SCG5: variants seen among roughly 807,000 people sequenced by gnomAD.
SCG5 encodes neuroendocrine protein 7B2.
SCG5 carries 18 observed loss-of-function variants against 25.7 expected under a neutral mutation model. The observed-to-expected ratio is 0.70, with a 90% CI of 0.48 to 1.04. SCG5 has a LOEUF of 1.04. Among genes scored for constraint, SCG5 ranks in the 50% least tolerant of loss-of-function variants. The pLI, the probability that SCG5 is intolerant of heterozygous loss-of-function variation, is 0.00. For missense variants in SCG5, 206 were observed against 259.8 expected (o/e 0.79, Z 1.42); for synonymous variants, 101 against 91.7 (o/e 1.10, Z -0.58).
At chr15:32,656,748 G>A (rs1035043745) in intron 2 of SCG5, among the ~76,000 whole-genome samples, 16 of 152,192 alleles carry the variant, frequency 1.1e-4, no homozygotes, top group African/African-American at 3.6e-4. Context: ...GGAACCAATT[G>A]GTGCAAATAC....
At chr15:32,650,059 A>G (rs918592518) in intron 2 of SCG5, among the ~76,000 whole-genome samples, 10 of 152,118 alleles carry the variant, frequency 6.6e-5, no homozygotes, top group African/African-American at 1.9e-4. Flanking sequence ...GATTATCAAC[A>G]ACATGTTTTC....
intron 2 of SCG5, among the ~76,000 whole-genome samples, chr15:32,662,646 G>A (rs2054238902): frequency 6.6e-6 from 1 of 152,012 alleles, no homozygotes; most frequent in Admixed American, 6.5e-5. Context: ...AGGAAGACTT[G>A]AGGCAAGTTG....
chr15:32,655,929 G>A (rs2054110170), intron 2 of SCG5, among the ~76,000 whole-genome samples: 1 of 152,180 alleles, frequency 6.6e-6, no homozygotes, highest in African/African-American at 2.4e-5. Context: ...AAGACAGTGT[G>A]CCTTGATATC....
intron 2 of SCG5, among the ~76,000 whole-genome samples, chr15:32,648,068 C>T (rs536255990): frequency 2.0e-5 from 3 of 152,270 alleles, no homozygotes; most frequent in South Asian, 2.1e-4. Context: ...TGCCAGGTTT[C>T]GATCCTGATT....
At chr15:32,690,768 A>G (rs148145489) in intron 4 of SCG5, among the ~76,000 whole-genome samples, 202 of 151,960 alleles carry the variant, frequency 1.3e-3, no homozygotes, top group Non-Finnish European at 2.1e-3. Flanking sequence ...TACATGTTGT[A>G]TAAACTTGTT....
At chr15:32,686,645 A>T (rs1340902308) in intron 4 of SCG5, among the ~76,000 whole-genome samples, 1 of 151,884 alleles carries the variant, frequency 6.6e-6, no homozygotes, top group Non-Finnish European at 1.5e-5. Flanking sequence ...TACTGGGAAG[A>T]GATCCACAAG....
chr15:32,680,110 T>C (rs559188974), intron 3 of SCG5, among the ~76,000 whole-genome samples, 195 bp downstream of exon 3: 2 of 152,228 alleles, frequency 1.3e-5, no homozygotes, highest in Admixed American at 1.3e-4. Context: ...CACACCCACA[T>C]AGGATTTTCC....
intron 2 of SCG5, chr15:32,665,996 C>CT (rs1478833322): frequency 6.6e-6 from 1 of 152,126 alleles, no homozygotes; most frequent in African/African-American, 2.4e-5. Flanking sequence ...TTAAGTTTTC[C>CT]TTTTTCAAAA....
At chr15:32,692,228 T>G (rs1200364038) in intron 5 of SCG5, 1 of 992,632 alleles carries the variant, frequency 1.0e-6, no homozygotes, top group Non-Finnish European at 1.2e-6. Context: ...AAAGATGAGA[T>G]GAACAAACTT....
At chr15:32,644,632 T>C (rs2053914984) in intron 2 of SCG5, among the ~76,000 whole-genome samples, 1 of 152,232 alleles carries the variant, frequency 6.6e-6, no homozygotes, top group Non-Finnish European at 1.5e-5. Flanking sequence ...TTCCATGCTT[T>C]GCTTTTTATC....
intron 2 of SCG5, among the ~76,000 whole-genome samples, chr15:32,665,394 C>T (rs1412253470): frequency 1.3e-5 from 2 of 151,398 alleles, no homozygotes; most frequent in East Asian, 1.9e-4. Context: ...GTTTAAGTCT[C>T]GTTTCTGACA....
At chr15:32,667,581 C>T (rs1214308410) in intron 2 of SCG5, among the ~76,000 whole-genome samples, 6 of 152,340 alleles carry the variant, frequency 3.9e-5, no homozygotes, top group African/African-American at 1.4e-4. Flanking sequence ...TTGAGTCTAT[C>T]TCTTTTAACA....
Position 32,696,705 on chromosome 15 carries a change from T to G in SCG5, c.*96T>G. 1 of 726,282 alleles carries G rather than the reference T, an allele frequency of 1.4e-6. No homozygotes were observed. Among genetic ancestry groups the G allele is most frequent in the Non-Finnish European group, 2.5e-6 (1 of 406,464 alleles). The allele number at this position is 726,282 out of a possible 1,614,324, so 45.0% of individuals were successfully genotyped here. A position where few individuals can be genotyped will look rare whatever the true frequency, so the allele number is the denominator to read the frequency against. ...GAGTCCCTGTGAATGACAGCATGTT[T>G]CTTACATAGATAATTATGGATACAA... On this transcript the variant is annotated 3_prime_UTR_variant, in exon 6 of 6. Coordinates refer to ENST00000300175, the MANE Select transcript of SCG5 (RefSeq NM_001144757.3).
intron 2 of SCG5, among the ~76,000 whole-genome samples, chr15:32,662,812 G>A (rs1195817611): frequency 6.7e-6 from 1 of 150,300 alleles, no homozygotes; most frequent in African/African-American, 2.4e-5. Context: ...CCACCAGGTG[G>A]TGCCATCTGC....
intron 5 of SCG5, 28 bp downstream of exon 5, chr15:32,691,791 G>A (rs759928125): frequency 1.3e-5 from 21 of 1,609,032 alleles, no homozygotes; most frequent in Middle Eastern, 1.6e-4. Context: ...GGATTGTTGC[G>A]GGGATGCTTG....
At chr15:32,650,235 C>G (rs1382716779) in intron 2 of SCG5, among the ~76,000 whole-genome samples, 1 of 152,100 alleles carries the variant, frequency 6.6e-6, no homozygotes, top group Non-Finnish European at 1.5e-5. Flanking sequence ...GTAGCTGGGA[C>G]TACAGGTGCC....
chr15:32,645,332 A>G (rs1397418295), intron 2 of SCG5, among the ~76,000 whole-genome samples: 3 of 152,238 alleles, frequency 2.0e-5, no homozygotes, highest in African/African-American at 7.2e-5. Flanking sequence ...CTCCCGGGGC[A>G]TCAAAAGCCT....
intron 2 of SCG5, among the ~76,000 whole-genome samples, chr15:32,656,705 C>T (rs80167305): frequency 0.045 from 6,899 of 152,294 alleles, 276 homozygotes; most frequent in East Asian, 0.18. Context: ...TGTGCCGCTT[C>T]TGGAAGCAAA....
chr15:32,653,097 G>T (rs988041861), intron 2 of SCG5, among the ~76,000 whole-genome samples: 1 of 152,206 alleles, frequency 6.6e-6, no homozygotes, highest in Non-Finnish European at 1.5e-5. Flanking sequence ...CTTATTGCAT[G>T]CACAAAATGT....
Sources: allele counts gnomAD v4.1 joint callset (sites outside exome capture counted in the v4.1 genomes callset), GRCh38; gene constraint gnomAD v4.1.1; transcripts MANE v1.5; gene names NCBI Gene and HGNC (gene_info 2026-07-23, HGNC 2026-07-21).